The following KCNIP4 variants were observed in gnomAD, a reference collection of about 807,000 sequenced individuals.
The protein encoded by KCNIP4 is Kv channel-interacting protein 4.
Under a neutral mutation model 34.0 loss-of-function variants are expected in KCNIP4, and 12 were observed. The ratio of observed to expected loss-of-function variants is 0.35; its 90% CI spans 0.23 to 0.57. KCNIP4 has a LOEUF of 0.57. Ranked by LOEUF, KCNIP4 falls within the 20% of genes least tolerant of loss-of-function variation. The pLI, the probability that KCNIP4 is intolerant of heterozygous loss-of-function variation, is 0.83. For missense variants in KCNIP4, 238 were observed against 311.7 expected (o/e 0.76, Z 1.78); for synonymous variants, 124 against 102.2 (o/e 1.21, Z -1.29).
chr4:20,865,131 G>A (rs1383850867), intron 2 of KCNIP4, among the ~76,000 whole-genome samples: 1 of 152,094 alleles, frequency 6.6e-6, no homozygotes, highest in African/African-American at 2.4e-5. Flanking sequence ...TTGGAAGAAA[G>A]GATGTAACTG....
chr4:20,825,163 T>C (rs1717575672), intron 3 of KCNIP4, among the ~76,000 whole-genome samples: 1 of 151,148 alleles, frequency 6.6e-6, no homozygotes, highest in African/African-American at 2.4e-5. Flanking sequence ...TTGGTCTTAC[T>C]GAGAGAAAAT....
intron 1 of KCNIP4, among the ~76,000 whole-genome samples, chr4:21,759,966 C>T (rs1349391118): frequency 6.6e-6 from 1 of 151,984 alleles, no homozygotes; most frequent in Non-Finnish European, 1.5e-5. Context: ...TTTTCATTGA[C>T]ATAAATATTC....
At chr4:20,886,610 G>T (rs1294441673) in intron 1 of KCNIP4, among the ~76,000 whole-genome samples, 7 of 152,182 alleles carry the variant, frequency 4.6e-5, no homozygotes, top group Non-Finnish European at 8.8e-5. Context: ...TTCTAGCCCT[G>T]CCAGCCTTCC....
chr4:20,849,476 G>T (rs1247405559), intron 3 of KCNIP4, among the ~76,000 whole-genome samples: 1 of 152,162 alleles, frequency 6.6e-6, no homozygotes, highest in Non-Finnish European at 1.5e-5. Context: ...AATTGCTGTT[G>T]TGGATTCCAA....
chr4:21,033,385 A>G (rs565536883), intron 1 of KCNIP4, among the ~76,000 whole-genome samples: 171 of 152,336 alleles, frequency 1.1e-3, no homozygotes, highest in African/African-American at 4.0e-3. Flanking sequence ...ACCATCATTA[A>G]TAAGTAAACT....
intron 3 of KCNIP4, among the ~76,000 whole-genome samples, chr4:20,812,541 A>G (rs575542899): frequency 5.9e-5 from 9 of 152,158 alleles, no homozygotes; most frequent in African/African-American, 1.7e-4. Context: ...TCATGTCGCA[A>G]TATGCTTAGG....
intron 1 of KCNIP4, among the ~76,000 whole-genome samples, chr4:21,948,340 A>G (rs1482015175): frequency 6.6e-6 from 1 of 152,072 alleles, no homozygotes; most frequent in African/African-American, 2.4e-5. Flanking sequence ...AGTTTCAAAC[A>G]CACTTCAAAC....
At chr4:20,872,353 T>G (rs143986189) in intron 2 of KCNIP4, among the ~76,000 whole-genome samples, 1 of 152,204 alleles carries the variant, frequency 6.6e-6, no homozygotes, top group African/African-American at 2.4e-5. Context: ...ACCTTACAAA[T>G]AAAGATGGAC....
chr4:21,208,983 A>ACTTCCC (rs1757042685), intron 1 of KCNIP4, among the ~76,000 whole-genome samples: 1 of 152,138 alleles, frequency 6.6e-6, no homozygotes, highest in Non-Finnish European at 1.5e-5. Context: ...CATGGGGGAA[A>ACTTCCC]CCATCCCCAT....
intron 1 of KCNIP4, among the ~76,000 whole-genome samples, chr4:21,827,171 C>T (rs967712217): frequency 4.6e-5 from 7 of 151,900 alleles, no homozygotes; most frequent in African/African-American, 9.7e-5. Flanking sequence ...AAAATAAATT[C>T]CATTTGTGTC....
chr4:21,305,506 C>T (rs1053914396), intron 1 of KCNIP4, among the ~76,000 whole-genome samples: 2 of 152,342 alleles, frequency 1.3e-5, no homozygotes, highest in African/African-American at 4.8e-5. Flanking sequence ...TCAGACTTTG[C>T]TGGGTTGCCA....
chr4:21,439,157 G>T (rs1727221253), intron 1 of KCNIP4, among the ~76,000 whole-genome samples: 1 of 121,412 alleles, frequency 8.2e-6, no homozygotes, highest in Non-Finnish European at 1.7e-5. Flanking sequence ...GCAATAATCT[G>T]TCTCAAAAAA....
At chr4:21,648,118 C>T (rs1747172496) in intron 1 of KCNIP4, among the ~76,000 whole-genome samples, 1 of 151,870 alleles carries the variant, frequency 6.6e-6, no homozygotes, top group Admixed American at 6.6e-5. Context: ...CGTGATCCGC[C>T]TGCCTCGGCC....
At chr4:20,742,333 AC>A (rs1751323335) in intron 5 of KCNIP4, among the ~76,000 whole-genome samples, 3 of 152,152 alleles carry the variant, frequency 2.0e-5, no homozygotes, top group Non-Finnish European at 4.4e-5. Flanking sequence ...ATATTAGCAA[AC>A]CGAATCCAGC....
intron 1 of KCNIP4, among the ~76,000 whole-genome samples, chr4:21,146,248 A>G (rs550026086): frequency 1.1e-3 from 167 of 152,196 alleles, no homozygotes; most frequent in Non-Finnish European, 1.9e-3. Context: ...AATACAAAAA[A>G]TTAGCCAGGC....
At chr4:20,958,946 T>G (rs1035052570) in intron 1 of KCNIP4, among the ~76,000 whole-genome samples, 4 of 152,198 alleles carry the variant, frequency 2.6e-5, no homozygotes, top group Non-Finnish European at 5.9e-5. Flanking sequence ...GGGATTAACC[T>G]TTACAGCTGT....
At position 20,879,579 on chromosome 4, in the gene KCNIP4, G is replaced by A. The variant is rs368744078; in HGVS notation, c.163+3029C>T. ...TTTCAAACATTTAAGAATGTCTATG[G>A]TTCTTCATGCAGAAAATCTTTGTCA... On this transcript the variant is annotated intron_variant, in intron 2 of 8. Transcript: ENST00000382152. Among the ~76,000 whole-genome samples the A allele has an allele frequency of 1.4e-3, 209 of 152,256 alleles. 1 individual carries two copies. Among genetic ancestry groups the A allele is most frequent in the African/African-American group, 4.9e-3 (203 of 41,544 alleles).
At chr4:21,139,249 T>G (rs1751747993) in intron 1 of KCNIP4, among the ~76,000 whole-genome samples, 1 of 152,230 alleles carries the variant, frequency 6.6e-6, no homozygotes, top group Admixed American at 6.5e-5. Context: ...TTCAATTATT[T>G]GCTTTGTCCT....
chr4:21,154,832 G>A (rs1485932177), intron 1 of KCNIP4, among the ~76,000 whole-genome samples: 2 of 152,154 alleles, frequency 1.3e-5, no homozygotes, highest in African/African-American at 2.4e-5. Flanking sequence ...TACCTGGAAT[G>A]TAAGCATAAT....
Sources: allele counts gnomAD v4.1 joint callset (sites outside exome capture counted in the v4.1 genomes callset), GRCh38; gene constraint gnomAD v4.1.1; transcripts MANE v1.5; gene names NCBI Gene and HGNC (gene_info 2026-07-23, HGNC 2026-07-21).